The following TMPRSS4 variants were observed in gnomAD, a reference collection of about 807,000 sequenced individuals.
The protein encoded by TMPRSS4 is transmembrane serine protease 4, also known as transmembrane protease serine 4.
TMPRSS4 carries 45 observed loss-of-function variants against 56.4 expected under a neutral mutation model. The ratio of observed to expected loss-of-function variants is 0.80; its 90% confidence interval spans 0.63 to 1.02. The LOEUF (loss-of-function observed/expected upper bound fraction) is 1.02. Ranked by LOEUF, TMPRSS4 falls within the 50% of genes least tolerant of loss-of-function variation. The pLI is 0.00. For synonymous variants in TMPRSS4, 205 were observed against 211.0 expected (o/e 0.97, Z 0.25); for missense variants, 546 against 556.7 (o/e 0.98, Z 0.19).
At chr11:118,117,779 C>T in intron 12 of TMPRSS4, 123 bp from the exon 13 acceptor site, 1 of 1,587,416 alleles carries the variant, frequency 6.3e-7, no homozygotes. Context: ...GACCTCCTGG[C>T]CCTCTGCAGG....
chr11:118,108,730 C>G (rs1329717171), intron 6 of TMPRSS4, 126 bp from the exon 7 acceptor site: 1 of 857,152 alleles, frequency 1.2e-6, no homozygotes, highest in Non-Finnish European at 1.9e-6. Flanking sequence ...ATGTTCCCCA[C>G]TGTGCAGCTT....
chr11:118,091,253 C>T (rs1948418020), intron 1 of TMPRSS4, among the ~76,000 whole-genome samples: 1 of 152,198 alleles, frequency 6.6e-6, no homozygotes, highest in Non-Finnish European at 1.5e-5. Flanking sequence ...TCCTTATGCC[C>T]TTGCCTTGCT....
rs112644124 is a variant in TMPRSS4, at chr11:118,121,338, A to ACTTCTTCTTCTTCTT, written c.*3444_*3458dup. The ACTTCTTCTTCTTCTT allele has an allele frequency of 2.0e-5, 3 of 149,550 alleles. No homozygotes were observed. Among genetic ancestry groups the ACTTCTTCTTCTTCTT allele is most frequent in the South Asian group, 2.1e-4 (1 of 4,684 alleles). The allele number at this position is 149,550 out of a possible 1,614,324, so 9.3% of individuals were successfully genotyped here. ...AGGTAAGTCTAAACACACTCTGTCT[A>ACTTCTTCTTCTTCTT]CTTCTTCTTCTTCTTCTTCTTCTTC... On this transcript the variant is annotated 3_prime_UTR_variant, in exon 13 of 13. Transcript: ENST00000437212.
At chr11:118,077,621 G>A (rs1944759616) in intron 1 of TMPRSS4, among the ~76,000 whole-genome samples, 1 of 152,186 alleles carries the variant, frequency 6.6e-6, no homozygotes, top group Non-Finnish European at 1.5e-5. Flanking sequence ...AGGTCTGTTG[G>A]TTAGAGGTTG....
rs777314974 is a variant in TMPRSS4, at chr11:118,115,261, G to A, written c.1133G>A (p.Gly378Glu). The change falls in exon 11 of 13, where the codon GGG becomes GAG. Residue 378 changes from glycine to glutamate, a missense_variant. Transcript: ENST00000437212. ...EKMMCAGIPE[G>E]GVDTCQGDSG... ...ATGATGTGTGCAGGCATCCCGGAAG[G>A]GGGTGTGGACACCTGCCAGGTGGGG... 5 of 1,612,758 alleles carry A rather than the reference G, an allele frequency of 3.1e-6. No individual in the cohort carries two copies. Among genetic ancestry groups the A allele is most frequent in the African/African-American group, 2.7e-5 (2 of 75,008 alleles).
At chr11:118,087,409 A>G (rs1945638648) in intron 1 of TMPRSS4, among the ~76,000 whole-genome samples, 1 of 152,130 alleles carries the variant, frequency 6.6e-6, no homozygotes, top group Non-Finnish European at 1.5e-5. Flanking sequence ...TCCTCTCCTT[A>G]TTAGCCTGGT....
chr11:118,117,612 A>T, intron 12 of TMPRSS4, 158 bp downstream of exon 12: 1 of 979,448 alleles, frequency 1.0e-6, no homozygotes, highest in Non-Finnish European at 1.2e-6. Context: ...TGCACTATTA[A>T]GGCTGAAATT....
At chr11:118,114,716 C>T in intron 9 of TMPRSS4, 113 bp from the exon 10 acceptor site, 2 of 1,169,626 alleles carry the variant, frequency 1.7e-6, no homozygotes, top group Non-Finnish European at 2.5e-6. Flanking sequence ...AATTAGCTAA[C>T]CCAGTCTCTC....
chr11:118,113,434 A>G lies in TMPRSS4; in HGVS notation c.909A>G (p.Ser303=), dbSNP rs1289886329. The G allele has an allele frequency of 1.2e-6, 2 of 1,612,626 alleles. No homozygotes were observed. The highest frequency in any genetic ancestry group is 1.3e-5 in the African/African-American group (1 of 74,884). ...LMKLQFPLTF[S]GTVRPICLPF... is the part of the protein sequence containing the mutation. ...AGCTGCAGTTCCCACTCACTTTCTC[A>G]GGTGAGAAGCAGGGCCCAAGGCCAC... is the stretch of plus-strand genomic sequence containing the variant. The change falls in exon 9 of 13, where the codon TCA becomes TCG. Residue 303 remains serine (S), a splice_region_variant and synonymous_variant. Transcript: ENST00000437212.
intron 4 of TMPRSS4, 67 bp from the exon 5 acceptor site, chr11:118,104,624 T>G: frequency 1.2e-6 from 2 of 1,610,110 alleles, no homozygotes; most frequent in Non-Finnish European, 1.7e-6. Context: ...GGTCTCATGA[T>G]GAGTTCTGAG....
chr11:118,080,012 C>G (rs1002236178), intron 1 of TMPRSS4, among the ~76,000 whole-genome samples: 1 of 152,184 alleles, frequency 6.6e-6, no homozygotes, highest in East Asian at 1.9e-4. Context: ...CACTCCCCCC[C>G]CACCAAAAGA....
At position 118,121,174 on chromosome 11, in the gene TMPRSS4, A is replaced by G. The variant is rs935939208; in HGVS notation, c.*3261A>G. 1.3e-5 allele frequency: 2 copies of G among 152,246 alleles called. No individual in the cohort carries two copies. Among genetic ancestry groups the G allele is most frequent in the African/African-American group, 4.8e-5 (2 of 41,460 alleles). 9.4% of individuals were successfully genotyped at this position (152,246 alleles called of 1,614,324 possible). ...TCTTTCAAGAATAAAGGCATTTTCA[A>G]GAAAACAAAAACAGACTTTACCATC... On this transcript the variant is annotated 3_prime_UTR_variant, in exon 13 of 13. Coordinates refer to ENST00000437212, the MANE Select transcript of TMPRSS4 (RefSeq NM_019894.4).
rs768330268 is a variant in TMPRSS4 at position 118,117,418 on chromosome 11, C to A, written c.1266C>A (p.Val422=). The A allele has an allele frequency of 6.2e-7, 1 of 1,613,964 alleles. No homozygotes were observed. Among genetic ancestry groups the A allele is most frequent in the Non-Finnish European group, 8.5e-7 (1 of 1,179,998 alleles). The change falls in exon 12 of 13, where the codon GTC becomes GTA. Residue 422 remains valine (V), a synonymous_variant. Transcript: ENST00000437212. ...GCACCCCAGGAGTATACACCAAGGTCTCAGCCTATCTCAACTGGATCTACA... is the reference window on the plus strand; with the variant it reads ...GCACCCCAGGAGTATACACCAAGGTATCAGCCTATCTCAACTGGATCTACA... ...GPSTPGVYTK[V]SAYLNWIYNV... is the part of the protein sequence containing the mutation.
In TMPRSS4 at chr11:118,119,014, G is replaced by A; in HGVS notation, c.*1101G>A. The A allele has an allele frequency of 1.0e-6, 1 of 985,326 alleles. No individual in the cohort carries two copies. Among genetic ancestry groups the A allele is most frequent in the Non-Finnish European group, 1.2e-6 (1 of 829,922 alleles). 61.0% of individuals were successfully genotyped at this position (985,326 alleles called of 1,614,324 possible). ...TTTTTTGGCATCTGTATGAAAGCTT[G>A]GGTTTTCTGAGGACTGTCTTGCTAT... On this transcript the variant is annotated 3_prime_UTR_variant, in exon 13 of 13. Transcript: ENST00000437212.
Position 118,104,975 on chromosome 11 carries a change from G to A in TMPRSS4, c.440+155G>A, listed in dbSNP as rs561190168. Reference sequence around the variant, plus strand: ...CCAGCATTTCACTTATAAGCAACATGAAGTTAAATTTCCTAAGCCTCAGGT... The same window carrying A: ...CCAGCATTTCACTTATAAGCAACATAAAGTTAAATTTCCTAAGCCTCAGGT... On this transcript the variant is annotated intron_variant, in intron 5 of 12. Transcript: ENST00000437212. Among the ~76,000 whole-genome samples the A allele has an allele frequency of 4.3e-4, 65 of 152,262 alleles. No individual in the cohort carries two copies. In the South Asian group the frequency reaches 5.2e-3, roughly 12 times the overall value.
chr11:118,098,951 A>G, intron 2 of TMPRSS4, 34 bp from the exon 3 acceptor site: 3 of 1,558,218 alleles, frequency 1.9e-6, no homozygotes, highest in Non-Finnish European at 2.6e-6. Flanking sequence ...TGCTGACTGC[A>G]TGCTCTTCCC....
chr11:118,086,500 G>A (rs761742798), intron 1 of TMPRSS4, among the ~76,000 whole-genome samples: 13 of 152,296 alleles, frequency 8.5e-5, no homozygotes, highest in Admixed American at 3.9e-4. Flanking sequence ...CAGTGTTTGT[G>A]AGGATGCTCC....
intron 1 of TMPRSS4, among the ~76,000 whole-genome samples, chr11:118,092,886 G>A (rs1208247621): frequency 1.3e-5 from 2 of 152,224 alleles, no homozygotes; most frequent in Non-Finnish European, 2.9e-5. Context: ...TCCCATGTGA[G>A]AGCCCAGCAT....
intron 1 of TMPRSS4, among the ~76,000 whole-genome samples, chr11:118,082,725 C>A (rs552774856): frequency 4.6e-5 from 7 of 151,968 alleles, no homozygotes; most frequent in African/African-American, 1.2e-4. Context: ...GAAAAAAAAA[C>A]CCAAATTACC....
Sources: allele counts gnomAD v4.1 joint callset (sites outside exome capture counted in the v4.1 genomes callset), GRCh38; gene constraint gnomAD v4.1.1; transcripts MANE v1.5; gene names NCBI Gene and HGNC (gene_info 2026-07-23, HGNC 2026-07-21).